The following PCTP variants were observed in gnomAD, a reference collection of about 807,000 sequenced individuals.
The protein encoded by PCTP is START domain-containing protein 2.
A neutral mutation model predicts 31.0 loss-of-function variants in PCTP; 27 were observed. That is an observed-to-expected ratio of 0.87 (90% CI 0.64 to 1.20). The LOEUF is 1.20. Among genes scored for constraint, PCTP ranks in the 50% most tolerant of loss-of-function variants. The pLI is 0.00. For missense variants in PCTP, 287 were observed against 268.2 expected (o/e 1.07, Z -0.49); for synonymous variants, 108 against 101.2 (o/e 1.07, Z -0.40).
chr17:55,844,951 G>T (rs1906096800), downstream of PCTP, among the ~76,000 whole-genome samples: 1 of 151,572 alleles, frequency 6.6e-6, no homozygotes, highest in Non-Finnish European at 1.5e-5. Context: ...GCCGGGCTTG[G>T]TGGCACATAC....
At chr17:55,790,652 A>G (rs1911927918) in intron 3 of PCTP, among the ~76,000 whole-genome samples, 1 of 151,762 alleles carries the variant, frequency 6.6e-6, no homozygotes, top group Admixed American at 6.6e-5. Context: ...AGGAAATAAA[A>G]GAGGATACAA....
At chr17:55,850,291 A>G in the PCTP span, among the ~76,000 whole-genome samples, 1 of 152,194 alleles carries the variant, frequency 6.6e-6, no homozygotes, top group East Asian at 1.9e-4. Context: ...GAGATAATGA[A>G]TAGTTTTTAT....
chr17:55,762,172 G>C, intron 1 of PCTP, among the ~76,000 whole-genome samples: 1 of 152,218 alleles, frequency 6.6e-6, no homozygotes, highest in East Asian at 1.9e-4. Context: ...CCTGTTTTCA[G>C]GAGGGACTGT....
chr17:55,846,284 T>G (rs1269850945), downstream of PCTP, among the ~76,000 whole-genome samples: 1 of 152,156 alleles, frequency 6.6e-6, no homozygotes, highest in East Asian at 1.9e-4. Flanking sequence ...CAAATATAGA[T>G]TCACTGCACT....
chr17:55,798,398 C>T (rs993988720), intron 3 of PCTP, among the ~76,000 whole-genome samples: 2 of 151,754 alleles, frequency 1.3e-5, no homozygotes, highest in African/African-American at 2.4e-5. Context: ...AAACAAAAAT[C>T]CTTCCAAAAA....
At chr17:55,814,375 A>G (rs1912847139) in intron 3 of PCTP, among the ~76,000 whole-genome samples, 1 of 152,240 alleles carries the variant, frequency 6.6e-6, no homozygotes, top group Non-Finnish European at 1.5e-5. Flanking sequence ...CAATTTTAGG[A>G]GAACCAAGGT....
chr17:55,792,718 TA>T (rs1912044344), intron 3 of PCTP, among the ~76,000 whole-genome samples: 2 of 152,134 alleles, frequency 1.3e-5, no homozygotes, highest in African/African-American at 4.8e-5. Context: ...AAAGCCTATG[TA>T]AGTAAGCAGT....
chr17:55,811,007 T>A lies in PCTP; in HGVS notation c.318-11754T>A, dbSNP rs147950592. On this transcript the variant is annotated intron_variant, in intron 3 of 3. Coordinates refer to the PCTP transcript ENST00000572536. The stretch of plus-strand genomic sequence containing the variant: ...AAAGACATCAGGGGAGGCCGGATAG[T>A]TGTTCCAAGCTATTACCCATCTATA... Among the ~76,000 whole-genome samples the A allele has an allele frequency of 1.7e-3, 264 of 152,274 alleles. 1 individual carries two copies. The highest frequency in any genetic ancestry group is 6.2e-3 in the African/African-American group (259 of 41,556).
chr17:55,804,406 C>G (rs1176067671), intron 3 of PCTP, among the ~76,000 whole-genome samples: 1 of 151,972 alleles, frequency 6.6e-6, no homozygotes, highest in Non-Finnish European at 1.5e-5. Flanking sequence ...TATAAAGACA[C>G]ATGCGCATGT....
chr17:55,761,193 C>A (rs908829431), intron 1 of PCTP, among the ~76,000 whole-genome samples: 2 of 152,128 alleles, frequency 1.3e-5, no homozygotes, highest in Non-Finnish European at 2.9e-5. Context: ...ACTTCCCTAT[C>A]TACATCACAG....
intron 2 of PCTP, chr17:55,769,640 CTT>C (rs1199721660): frequency 6.6e-6 from 1 of 152,234 alleles, no homozygotes; most frequent in Non-Finnish European, 1.5e-5. Context: ...CTGGAACAAT[CTT>C]GAGGTTGGAA....
chr17:55,808,959 T>C (rs1198631342), intron 3 of PCTP, among the ~76,000 whole-genome samples: 1 of 152,176 alleles, frequency 6.6e-6, no homozygotes, highest in Non-Finnish European at 1.5e-5. Flanking sequence ...TTCTCCTCAA[T>C]ATCTGGTGAG....
At chr17:55,770,332 C>A (rs1400657193) in intron 2 of PCTP, 1 of 152,230 alleles carries the variant, frequency 6.6e-6, no homozygotes, top group Non-Finnish European at 1.5e-5. Flanking sequence ...CATTCTGGAA[C>A]CTTCATATCC....
intron 3 of PCTP, among the ~76,000 whole-genome samples, chr17:55,791,152 A>G (rs1271741243): frequency 6.6e-6 from 1 of 151,992 alleles, no homozygotes; most frequent in Non-Finnish European, 1.5e-5. Context: ...ACAAAAATCA[A>G]TTCAAGATGG....
intron 3 of PCTP, among the ~76,000 whole-genome samples, chr17:55,808,120 T>C (rs1205740895): frequency 6.6e-6 from 1 of 152,170 alleles, no homozygotes; most frequent in Admixed American, 6.5e-5. Context: ...GTAGAGTACC[T>C]CAACTCAAAT....
the PCTP span, among the ~76,000 whole-genome samples, chr17:55,852,166 T>C: frequency 2.0e-5 from 3 of 152,208 alleles, no homozygotes; most frequent in African/African-American, 7.2e-5. Context: ...TGAAGTAATA[T>C]ATACTAGAAT....
At chr17:55,811,717 T>C (rs1912758906) in intron 3 of PCTP, among the ~76,000 whole-genome samples, 1 of 152,238 alleles carries the variant, frequency 6.6e-6, no homozygotes, top group Admixed American at 6.5e-5. Context: ...TATTTCAGCT[T>C]GAATAAGTGT....
chr17:55,828,163 A>G (rs1905467789), intron 5 of PCTP, among the ~76,000 whole-genome samples: 1 of 152,208 alleles, frequency 6.6e-6, no homozygotes, highest in Admixed American at 6.5e-5. Flanking sequence ...CCTACGTGAG[A>G]AAGGAATAGG....
downstream of PCTP, among the ~76,000 whole-genome samples, chr17:55,846,608 A>C (rs1013469497): frequency 1.3e-5 from 2 of 152,182 alleles, no homozygotes; most frequent in Non-Finnish European, 2.9e-5. Context: ...GTAAGAACCA[A>C]ATTACTGCCA....
Sources: allele counts gnomAD v4.1 joint callset (sites outside exome capture counted in the v4.1 genomes callset), GRCh38; gene constraint gnomAD v4.1.1; transcripts MANE v1.5; gene names NCBI Gene and HGNC (gene_info 2026-07-23, HGNC 2026-07-21).